The following NALCN variants were observed in gnomAD, a reference collection of about 807,000 sequenced individuals.
NALCN encodes the protein sodium leak channel NALCN.
A neutral mutation model predicts 225.3 loss-of-function variants in NALCN; 111 were observed. That is an observed-to-expected ratio of 0.49 (90% CI 0.42 to 0.58). The LOEUF is 0.58. Ranked by LOEUF, NALCN falls within the 20% of genes least tolerant of loss-of-function variation. The pLI is 0.00. For missense variants in NALCN, 1,378 were observed against 2,202.4 expected (o/e 0.63, Z 7.49); for synonymous variants, 764 against 769.0 (o/e 0.99, Z 0.11).
At chr13:101,317,971 C>A (rs2044613958) in intron 7 of NALCN, among the ~76,000 whole-genome samples, 1 of 152,010 alleles carries the variant, frequency 6.6e-6, no homozygotes. Context: ...GGAGGGAGAT[C>A]CTTTCTTTGT....
At chr13:101,272,220 CATGT>C (rs1466232260) in intron 10 of NALCN, among the ~76,000 whole-genome samples, 1 of 151,964 alleles carries the variant, frequency 6.6e-6, no homozygotes, top group South Asian at 2.1e-4. Flanking sequence ...TCTCTGCATG[CATGT>C]GTGAGCCTGT....
At chr13:101,268,152 T>C (rs2042657947) in intron 10 of NALCN, among the ~76,000 whole-genome samples, 1 of 152,188 alleles carries the variant, frequency 6.6e-6, no homozygotes, top group Non-Finnish European at 1.5e-5. Context: ...TTGCAACGTG[T>C]TTACATAGAC....
At chr13:101,401,058 C>T (rs550688678) in intron 1 of NALCN, among the ~76,000 whole-genome samples, 15 of 152,268 alleles carry the variant, frequency 9.9e-5, no homozygotes, top group African/African-American at 3.4e-4. Flanking sequence ...TAGCCAGCGT[C>T]GTCAGGTATT....
At chr13:101,313,536 A>G (rs1173679590) in intron 7 of NALCN, among the ~76,000 whole-genome samples, 1 of 152,224 alleles carries the variant, frequency 6.6e-6, no homozygotes, top group Non-Finnish European at 1.5e-5. Flanking sequence ...ACTTCTCAAA[A>G]GAAGACATTT....
In NALCN at chr13:101,411,888, AT is replaced by A. The variant is rs551571892; in HGVS notation, c.-40+4424del. Among the ~76,000 whole-genome samples, 1,485 of 151,928 alleles carry A rather than the reference AT, an allele frequency of 9.8e-3. 20 individuals carry two copies. Among genetic ancestry groups the A allele is most frequent in the Middle Eastern group, 0.017 (5 of 294 alleles). ...CCTATTTATTTTTCACTTTTGACTC[AT>A]TTACAACGTAAGAGAATTGTCTACT... is the stretch of plus-strand genomic sequence containing the variant. On this transcript the variant is annotated intron_variant, in intron 1 of 43. Transcript: ENST00000251127.
chr13:101,362,005 C>T (rs1041589064), intron 6 of NALCN, among the ~76,000 whole-genome samples: 3 of 151,704 alleles, frequency 2.0e-5, no homozygotes, highest in Admixed American at 6.6e-5. Context: ...CTTATATTTA[C>T]TTTATTAATA....
chr13:101,173,511 A>G (rs1334347660), intron 15 of NALCN, among the ~76,000 whole-genome samples: 1 of 152,160 alleles, frequency 6.6e-6, no homozygotes, highest in Non-Finnish European at 1.5e-5. Flanking sequence ...GGACATAATA[A>G]TAACACCTGC....
At chr13:101,254,308 G>C (rs2042149345) in intron 11 of NALCN, among the ~76,000 whole-genome samples, 1 of 138,100 alleles carries the variant, frequency 7.2e-6, no homozygotes, top group Non-Finnish European at 1.5e-5. Context: ...GGGAGGCAGA[G>C]GTTGCAGGGA....
intron 12 of NALCN, among the ~76,000 whole-genome samples, chr13:101,232,995 T>C (rs1007830781): frequency 2.0e-5 from 3 of 152,012 alleles, no homozygotes; most frequent in East Asian, 1.9e-4. Context: ...CACTTCCACA[T>C]TGGTGATTTG....
At chr13:101,378,236 T>C (rs151066354) in intron 4 of NALCN, among the ~76,000 whole-genome samples, 7 of 152,284 alleles carry the variant, frequency 4.6e-5, no homozygotes, top group Admixed American at 4.6e-4. Context: ...ATATTACAGC[T>C]ATTGACTTTT....
intron 15 of NALCN, among the ~76,000 whole-genome samples, chr13:101,165,874 ACT>A (rs1285484256): frequency 6.6e-5 from 10 of 152,134 alleles, no homozygotes; most frequent in African/African-American, 2.4e-4. Flanking sequence ...CAAAGTGGAA[ACT>A]CTGTACCCAT....
At chr13:101,090,089 T>C (rs1362037093) in intron 28 of NALCN, 123 bp from the exon 29 acceptor site, 5 of 1,344,634 alleles carry the variant, frequency 3.7e-6, no homozygotes, top group African/African-American at 1.5e-5. Flanking sequence ...TACACACACA[T>C]ATATACACAC....
At chr13:101,354,847 A>G (rs1356742441) in intron 6 of NALCN, among the ~76,000 whole-genome samples, 8 of 152,184 alleles carry the variant, frequency 5.3e-5, no homozygotes, top group Admixed American at 3.3e-4. Context: ...GTGGCCAGAC[A>G]TACTAACGAC....
chr13:101,356,658 G>A (rs1249762165), intron 6 of NALCN, among the ~76,000 whole-genome samples: 1 of 152,132 alleles, frequency 6.6e-6, no homozygotes, highest in African/African-American at 2.4e-5. Context: ...AATTGAAAAG[G>A]AGGGACTCCT....
At chr13:101,289,712 T>C (rs1398849379) in intron 9 of NALCN, among the ~76,000 whole-genome samples, 1 of 152,176 alleles carries the variant, frequency 6.6e-6, no homozygotes, top group Non-Finnish European at 1.5e-5. Flanking sequence ...TACTTCCATG[T>C]TTGAAAAGCT....
intron 39 of NALCN, among the ~76,000 whole-genome samples, chr13:101,067,022 CTTT>C (rs1402209405): frequency 1.3e-5 from 2 of 151,940 alleles, no homozygotes; most frequent in African/African-American, 4.8e-5. Flanking sequence ...TATTATTTCA[CTTT>C]TTATTATTTG....
intron 1 of NALCN, among the ~76,000 whole-genome samples, chr13:101,415,562 G>A (rs1233925633): frequency 6.6e-6 from 1 of 152,206 alleles, no homozygotes. Context: ...CAAAATGACT[G>A]CGATCTGGGC....
At chr13:101,144,694 C>G in intron 16 of NALCN, 66 bp downstream of exon 16, 3 of 1,519,016 alleles carry the variant, frequency 2.0e-6, no homozygotes, top group Non-Finnish European at 2.7e-6. Flanking sequence ...AGGGTTAAAT[C>G]AGATTTAAGA....
chr13:101,122,898 G>A (rs573270014), intron 18 of NALCN, among the ~76,000 whole-genome samples: 1 of 152,294 alleles, frequency 6.6e-6, no homozygotes, highest in South Asian at 2.1e-4. Context: ...AAATAATAAG[G>A]CACGGCCCCA....
Sources: gnomAD v4.1 joint callset for allele counts (sites outside exome capture counted in the v4.1 genomes callset) on GRCh38, gnomAD v4.1.1 for gene constraint, MANE v1.5 for transcripts, NCBI Gene and HGNC (gene_info 2026-07-23, HGNC 2026-07-21) for gene names.